Variants in SYT1 observed in about 807,000 individuals in gnomAD.
The protein encoded by SYT1 is synaptotagmin 1, also known as synaptotagmin-1.
A neutral mutation model predicts 44.8 loss-of-function variants in SYT1; 8 were observed. That is an observed-to-expected ratio of 0.18 (90% CI 0.10 to 0.32). SYT1 has a LOEUF of 0.32. Among genes scored for constraint, SYT1 ranks in the 10% least tolerant of loss-of-function variants. The probability of loss-of-function intolerance (pLI) is 1.00; values close to 1 mark genes in which losing one functional copy is unlikely to be tolerated. For synonymous variants in SYT1, 154 were observed against 188.8 expected (o/e 0.82, Z 1.51); for missense variants, 286 against 509.3 (o/e 0.56, Z 4.22).
intron 9 of SYT1, among the ~76,000 whole-genome samples, chr12:79,390,099 A>C (rs562616092): frequency 1.5e-4 from 23 of 151,682 alleles, no homozygotes; most frequent in African/African-American, 5.6e-4. Flanking sequence ...TGCCCGGCTA[A>C]TTTTTTTGTC....
At chr12:79,431,412 C>A (rs533586745) in intron 9 of SYT1, among the ~76,000 whole-genome samples, 34 of 152,132 alleles carry the variant, frequency 2.2e-4, no homozygotes, top group Non-Finnish European at 4.0e-4. Context: ...CACAAATTTG[C>A]TTCATAAAAG....
At chr12:78,889,880 C>G (rs905276720) in intron 1 of SYT1, among the ~76,000 whole-genome samples, 1 of 151,906 alleles carries the variant, frequency 6.6e-6, no homozygotes, top group African/African-American at 2.4e-5. Context: ...AATAAAGACA[C>G]TGGTCCATTT....
chr12:79,309,537 T>C (rs576382857), intron 8 of SYT1, among the ~76,000 whole-genome samples: 1 of 152,272 alleles, frequency 6.6e-6, no homozygotes, highest in Admixed American at 6.5e-5. Context: ...TGTTTGAACA[T>C]GGAATTGACT....
intron 9 of SYT1, chr12:79,419,186 T>A: frequency 2.2e-6 from 1 of 463,924 alleles, no homozygotes; most frequent in Non-Finnish European, 4.4e-6. Context: ...TAAGAATTTT[T>A]AAATTTCTAC....
At chr12:78,972,003 G>A (rs1243722758) in intron 1 of SYT1, among the ~76,000 whole-genome samples, 1 of 152,048 alleles carries the variant, frequency 6.6e-6, no homozygotes, top group South Asian at 2.1e-4. Context: ...CTATTAATAG[G>A]TAATTAAATG....
chr12:78,962,879 G>T (rs1178199164), intron 1 of SYT1, among the ~76,000 whole-genome samples: 2 of 151,922 alleles, frequency 1.3e-5, no homozygotes, highest in African/African-American at 2.4e-5. Context: ...TCATTTTATT[G>T]TGGTAAGAAG....
chr12:78,956,591 A>C (rs913218491), intron 1 of SYT1, among the ~76,000 whole-genome samples: 1 of 152,016 alleles, frequency 6.6e-6, no homozygotes, highest in Admixed American at 6.6e-5. Context: ...AAAAATGAAA[A>C]AAAAAAAGTG....
At chr12:79,002,817 G>C (rs140579791) in intron 2 of SYT1, among the ~76,000 whole-genome samples, 11 of 152,102 alleles carry the variant, frequency 7.2e-5, no homozygotes, top group African/African-American at 2.4e-4. Context: ...CCCCTACTTT[G>C]TTTGGAAATG....
At chr12:79,257,310 T>C (rs1877575842) in intron 4 of SYT1, among the ~76,000 whole-genome samples, 1 of 152,226 alleles carries the variant, frequency 6.6e-6, no homozygotes, top group Non-Finnish European at 1.5e-5. Context: ...AGCAGTCATG[T>C]ATTGAGGCTA....
At chr12:79,245,413 G>A (rs1876779989) in intron 4 of SYT1, among the ~76,000 whole-genome samples, 1 of 143,756 alleles carries the variant, frequency 7.0e-6, no homozygotes, top group South Asian at 2.2e-4. Context: ...AAGCGGAGCT[G>A]CAATGAGCCC....
At chr12:78,935,541 T>C (rs184710226) in intron 1 of SYT1, among the ~76,000 whole-genome samples, 204 of 152,306 alleles carry the variant, frequency 1.3e-3, no homozygotes, top group African/African-American at 3.8e-3. Flanking sequence ...TGGATATGAA[T>C]AATTTTCCAA....
intron 4 of SYT1, among the ~76,000 whole-genome samples, chr12:79,250,663 A>G (rs1219148180): frequency 6.6e-6 from 1 of 152,208 alleles, no homozygotes; most frequent in Non-Finnish European, 1.5e-5. Flanking sequence ...AAGAATCTTC[A>G]TATGATAAAA....
At chr12:78,915,582 ATATG>A (rs1876605446) in intron 1 of SYT1, among the ~76,000 whole-genome samples, 1 of 152,038 alleles carries the variant, frequency 6.6e-6, no homozygotes, top group African/African-American at 2.4e-5. Flanking sequence ...TTTGTCTTAT[ATATG>A]TATTTGTCTG....
intron 3 of SYT1, among the ~76,000 whole-genome samples, chr12:79,053,420 A>G (rs1874679624): frequency 6.6e-6 from 1 of 151,998 alleles, no homozygotes; most frequent in South Asian, 2.1e-4. Flanking sequence ...TGACGAGTTA[A>G]TGGGTGCAGC....
intron 8 of SYT1, among the ~76,000 whole-genome samples, chr12:79,331,790 A>G (rs1488073774): frequency 3.9e-5 from 6 of 152,030 alleles, no homozygotes; most frequent in Non-Finnish European, 7.4e-5. Context: ...TCTCTGCCCA[A>G]TAGGATATCA....
rs544282187 is a variant in SYT1, at chr12:79,308,354, G to C, written c.810+8803G>C. Among the ~76,000 whole-genome samples, 13 of 152,008 alleles carry C rather than the reference G, an allele frequency of 8.6e-5. No homozygotes were observed. The South Asian group carries it at 2.5e-3, about 29-fold the overall frequency. On this transcript the variant is annotated intron_variant, in intron 8 of 10. Transcript: ENST00000261205. ...AGCCTGACCAACATGGAGAAACCCT[G>C]TCTCCATTAAAAATACAAAATTAGC...
At chr12:79,170,737 C>A (rs183315963) in intron 3 of SYT1, among the ~76,000 whole-genome samples, 3 of 152,174 alleles carry the variant, frequency 2.0e-5, no homozygotes, top group Non-Finnish European at 2.9e-5. Flanking sequence ...ACATTTGTTG[C>A]AATTGCTTTT....
chr12:78,953,411 C>A lies in SYT1; in HGVS notation c.-216-24388C>A, dbSNP rs192765816. Among the ~76,000 whole-genome samples the A allele has an allele frequency of 2.7e-3, 417 of 152,178 alleles. 2 individuals carry two copies. The highest frequency in any genetic ancestry group is 9.8e-3 in the African/African-American group (406 of 41,530). ...GGGGTTACTTAGATGGATTAGTTCA[C>A]CTTTTTATTTCCAGCATAGAGTGTG... On this transcript the variant is annotated intron_variant, in intron 1 of 10. Coordinates refer to ENST00000261205, the MANE Select transcript of SYT1 (RefSeq NM_005639.3).
At chr12:78,914,992 G>T (rs1876565208) in intron 1 of SYT1, among the ~76,000 whole-genome samples, 1 of 151,990 alleles carries the variant, frequency 6.6e-6, no homozygotes, top group Admixed American at 6.6e-5. Flanking sequence ...CATCTTAGAG[G>T]AAGTGTCTTC....
Sources: gnomAD v4.1 joint callset for allele counts (sites outside exome capture counted in the v4.1 genomes callset) on GRCh38, gnomAD v4.1.1 for gene constraint, MANE v1.5 for transcripts, NCBI Gene and HGNC (gene_info 2026-07-23, HGNC 2026-07-21) for gene names.